Variants in LYZL2 observed in about 807,000 individuals in gnomAD.
LYZL2 encodes the protein lysozyme-like protein 2.
In LYZL2, 13 loss-of-function variants were observed where a neutral mutation model predicts 17.1. That is an observed-to-expected ratio of 0.76 (90% CI 0.49 to 1.21). LYZL2 has a LOEUF of 1.21. LYZL2 is among the 50% of genes most tolerant of loss of function. The pLI is 0.00. For missense variants in LYZL2, 166 were observed against 189.2 expected (o/e 0.88, Z 0.72); for synonymous variants, 63 against 74.4 (o/e 0.85, Z 0.79).
intron 1 of LYZL2, among the ~76,000 whole-genome samples, chr10:30,628,498 C>G (rs1588680358): frequency 6.6e-6 from 1 of 152,300 alleles, no homozygotes; most frequent in East Asian, 1.9e-4. Context: ...CTCCTGCTGC[C>G]TACTGATTTT....
chr10:30,629,408 A>T (rs920826973), intron 1 of LYZL2, among the ~76,000 whole-genome samples, 185 bp downstream of exon 1: 1 of 151,824 alleles, frequency 6.6e-6, no homozygotes, highest in Non-Finnish European at 1.5e-5. Flanking sequence ...AAAAAAAAAA[A>T]GATGCAGAGC....
chr10:30,609,960 C>A (rs541785515), downstream of LYZL2, among the ~76,000 whole-genome samples: 1 of 152,144 alleles, frequency 6.6e-6, no homozygotes, highest in Non-Finnish European at 1.5e-5. Flanking sequence ...AATGGTAGCA[C>A]ACCCAGTGCC....
intron 3 of LYZL2, among the ~76,000 whole-genome samples, chr10:30,615,184 G>C (rs1168794070): frequency 6.6e-6 from 1 of 152,186 alleles, no homozygotes; most frequent in Non-Finnish European, 1.5e-5. Context: ...TTTATATAGA[G>C]AGTGGAATAT....
chr10:30,621,013 T>G (rs1443498543), intron 3 of LYZL2, among the ~76,000 whole-genome samples: 1 of 152,106 alleles, frequency 6.6e-6, no homozygotes, highest in African/African-American at 2.4e-5. Flanking sequence ...TTAGAATTCT[T>G]GAAGGAGAAA....
rs548878036 is a variant in LYZL2, at chr10:30,625,880, G to A, written c.298+225C>T. Among the ~76,000 whole-genome samples, 294 of 152,312 alleles carry A rather than the reference G, an allele frequency of 1.9e-3. 1 individual carries two copies. Among genetic ancestry groups the A allele is most frequent in the Non-Finnish European group, 3.6e-3 (248 of 68,026 alleles). On this transcript the variant is annotated intron_variant, in intron 3 of 4. Transcript: ENST00000647634. ...TTGTCCATCCCCCTGCTTTAGGGGA[G>A]GGCTTCATAAAACTGTCTACAAGGA... is the stretch of plus-strand genomic sequence containing the variant.
At chr10:30,614,976 TAAAG>T (rs1838504069) in intron 3 of LYZL2, among the ~76,000 whole-genome samples, 1 of 152,210 alleles carries the variant, frequency 6.6e-6, no homozygotes, top group Admixed American at 6.5e-5. Flanking sequence ...TTTAATAAAA[TAAAG>T]AGCTGTTTGA....
At chr10:30,627,459 T>C (rs1170538339) in intron 1 of LYZL2, among the ~76,000 whole-genome samples, 1 of 151,910 alleles carries the variant, frequency 6.6e-6, no homozygotes, top group Non-Finnish European at 1.5e-5. Flanking sequence ...CCCTTTATGA[T>C]GATCCACTTC....
chr10:30,625,536 A>T (rs1156903847), intron 3 of LYZL2, among the ~76,000 whole-genome samples: 1 of 152,152 alleles, frequency 6.6e-6, no homozygotes, highest in Non-Finnish European at 1.5e-5. Context: ...CTACAAAAAA[A>T]AACAAAAATA....
downstream of LYZL2, among the ~76,000 whole-genome samples, chr10:30,608,902 C>T (rs11008145): frequency 8.5e-3 from 1,300 of 152,184 alleles, 16 homozygotes; most frequent in African/African-American, 0.026. Flanking sequence ...TGCAGTGGCT[C>T]GATCATAGTT....
At chr10:30,611,495 T>C (rs1042467515), downstream of LYZL2, among the ~76,000 whole-genome samples, 1 of 87,554 alleles carries the variant, frequency 1.1e-5, no homozygotes, top group Non-Finnish European at 2.1e-5. Flanking sequence ...CACAAGACTC[T>C]GAAAAAAAAA....
chr10:30,611,577 AAGAAAG>A (rs1246417569), downstream of LYZL2, among the ~76,000 whole-genome samples: 17 of 114,920 alleles, frequency 1.5e-4, no homozygotes, highest in African/African-American at 6.1e-4. Context: ...GAAGGAAAGA[AAGAAAG>A]AAAGAAAGAA....
intron 1 of LYZL2, among the ~76,000 whole-genome samples, chr10:30,629,349 G>T (rs2132956843): frequency 6.6e-6 from 1 of 150,804 alleles, no homozygotes; most frequent in African/African-American, 2.4e-5. Context: ...AGTTGTGATT[G>T]TGCCACTGCA....
intron 2 of LYZL2, among the ~76,000 whole-genome samples, chr10:30,626,550 C>A (rs1290641801): frequency 6.6e-6 from 1 of 152,154 alleles, no homozygotes; most frequent in Non-Finnish European, 1.5e-5. Context: ...TTTTCCCCTT[C>A]CCTGGCTAGT....
chr10:30,622,148 AAG>A (rs1838631531), intron 3 of LYZL2, among the ~76,000 whole-genome samples: 1 of 152,216 alleles, frequency 6.6e-6, no homozygotes, highest in Non-Finnish European at 1.5e-5. Context: ...GAGGAAATAA[AAG>A]AGAATACTAA....
At position 30,626,406 on chromosome 10, in the gene LYZL2, C is replaced by G. The variant is rs76328072; in HGVS notation, c.140-143G>C. 905 of 1,364,756 alleles carry G rather than the reference C, an allele frequency of 6.6e-4. 7 individuals are homozygous for G. In the East Asian group the frequency reaches 0.019, roughly 28 times the overall value. The allele number at this position is 1,364,756 out of a possible 1,614,324, so 84.5% of individuals were successfully genotyped here. On this transcript the variant is annotated intron_variant, in intron 2 of 4. Transcript: ENST00000647634. ...GGGCAGGGCAGGGCGGGCATGTGCC[C>G]AGGGGGCACACGAGGGGCACATCAG...
intron 3 of LYZL2, among the ~76,000 whole-genome samples, chr10:30,620,991 A>G (rs1345255009): frequency 1.3e-5 from 2 of 152,224 alleles, no homozygotes; most frequent in Non-Finnish European, 2.9e-5. Context: ...CAGCGATCGA[A>G]CATACATGCC....
At chr10:30,625,864 C>T (rs891453244) in intron 3 of LYZL2, among the ~76,000 whole-genome samples, 2 of 152,180 alleles carry the variant, frequency 1.3e-5, no homozygotes, top group Non-Finnish European at 2.9e-5. Flanking sequence ...TTTGTCCATC[C>T]CCCTGCTTTA....
chr10:30,621,247 C>T (rs1318259475), intron 3 of LYZL2, among the ~76,000 whole-genome samples: 1 of 152,036 alleles, frequency 6.6e-6, no homozygotes, highest in Non-Finnish European at 1.5e-5. Flanking sequence ...ACTGGTTTCC[C>T]ATCATACACA....
chr10:30,609,804 G>A (rs1838411894), downstream of LYZL2, among the ~76,000 whole-genome samples: 1 of 152,170 alleles, frequency 6.6e-6, no homozygotes, highest in African/African-American at 2.4e-5. Flanking sequence ...ATTTCCTCTT[G>A]AATTTCTGAA....
Sources: gnomAD v4.1 joint callset for allele counts (sites outside exome capture counted in the v4.1 genomes callset) on GRCh38, gnomAD v4.1.1 for gene constraint, MANE v1.5 for transcripts, NCBI Gene and HGNC (gene_info 2026-07-23, HGNC 2026-07-21) for gene names.